HESX1: variants seen among roughly 807,000 people sequenced by gnomAD.
The protein encoded by HESX1 is HESX homeobox 1.
A neutral mutation model predicts 22.5 loss-of-function variants in HESX1; 11 were observed. The observed-to-expected ratio is 0.49, with a 90% CI of 0.31 to 0.81. The LOEUF (loss-of-function observed/expected upper bound fraction) is 0.81. Ranked by LOEUF, HESX1 falls within the 30% of genes least tolerant of loss-of-function variation. The pLI is 0.05. For missense variants in HESX1, 201 were observed against 212.6 expected (o/e 0.95, Z 0.34); for synonymous variants, 74 against 76.5 (o/e 0.97, Z 0.17).
At chr3:57,221,135 G>T (rs558980439) in intron 1 of HESX1, among the ~76,000 whole-genome samples, 19 of 150,858 alleles carry the variant, frequency 1.3e-4, no homozygotes, top group African/African-American at 4.6e-4. Context: ...AATTGCAGCT[G>T]CCCCGGCTCT....
In HESX1 at chr3:57,198,400, G is replaced by A. The variant is rs1385826685; in HGVS notation, c.450C>T (p.Asp150=). The change falls in exon 3 of 4, where the codon GAC becomes GAT. Residue 150 remains aspartate, a synonymous_variant. Coordinates refer to ENST00000295934, the MANE Select transcript of HESX1 (RefSeq NM_003865.3). The stretch of plus-strand genomic sequence containing the variant: ...TAAATTTGAAAATTACCTGGATTCT[G>A]TCTTCCTCTAGATTCAATTTTTGAG... The part of the protein sequence containing the change: ...DLAQKLNLEE[D]RIQIWFQNRR... 2 of 1,593,902 alleles carry A rather than the reference G, an allele frequency of 1.3e-6. No individual in the cohort carries two copies. The highest frequency in any genetic ancestry group is 1.7e-6 in the Non-Finnish European group (2 of 1,162,190).
At position 57,198,298 on chromosome 3, in the gene HESX1, A is replaced by G. The variant is rs112703580; in HGVS notation, c.460-3T>C. ...GCACGCCGATTTTGAAACCAAATCT[A>G]AAGTTAAGGAAAAATAAAATAGGTC... On this transcript the variant is annotated splice_polypyrimidine_tract_variant and splice_region_variant and intron_variant, in intron 3 of 3. Transcript: ENST00000295934. 64 of 1,606,464 alleles carry G rather than the reference A, an allele frequency of 4.0e-5. No individual in the cohort carries two copies. The African/African-American group carries it at 5.4e-4, about 13-fold the overall frequency.
At chr3:57,225,020 A>G (rs1425425961) in intron 1 of HESX1, among the ~76,000 whole-genome samples, 1 of 152,170 alleles carries the variant, frequency 6.6e-6, no homozygotes, top group Non-Finnish European at 1.5e-5. Context: ...GTAACCCCTA[A>G]GGCATTCTCT....
At position 57,225,563 on chromosome 3, in the gene HESX1, C is replaced by T. The variant is rs564092169; in HGVS notation, c.-111+733G>A. The stretch of plus-strand genomic sequence containing the variant: ...TTCACCAGTTGGCCAGGATGGTCTC[C>T]ATCTCTTGACCTCTTGATCCGCCTG... On this transcript the variant is annotated intron_variant, in intron 1 of 2. Transcript: ENST00000495160. Among the ~76,000 whole-genome samples, 31 of 152,130 alleles carry T rather than the reference C, an allele frequency of 2.0e-4. 1 individual carries two copies. The South Asian group carries it at 6.4e-3, about 32-fold the overall frequency.
intron 1 of HESX1, among the ~76,000 whole-genome samples, chr3:57,214,343 A>G (rs989532624): frequency 3.3e-5 from 5 of 152,220 alleles, no homozygotes; most frequent in African/African-American, 1.2e-4. Flanking sequence ...CAGTATGTAC[A>G]TACACAATTA....
chr3:57,207,379 T>G (rs1054733771), intron 1 of HESX1, among the ~76,000 whole-genome samples: 10 of 152,204 alleles, frequency 6.6e-5, no homozygotes, highest in Non-Finnish European at 7.3e-5. Context: ...GGCCCAGCTA[T>G]TAAAAGGTGG....
At chr3:57,198,721 T>TATAA in intron 2 of HESX1, 32 bp downstream of exon 2, 1 of 1,600,410 alleles carries the variant, frequency 6.2e-7, no homozygotes, top group Middle Eastern at 2.0e-4. Context: ...AAAGCCTTTA[T>TATAA]ATTATCATTA....
At chr3:57,198,346 C>G in intron 3 of HESX1, 45 bp downstream of exon 3, 1 of 1,551,826 alleles carries the variant, frequency 6.4e-7, no homozygotes, top group South Asian at 1.1e-5. Flanking sequence ...TTTTATTATT[C>G]TTAACATTTC....
intron 1 of HESX1, among the ~76,000 whole-genome samples, chr3:57,219,786 G>A (rs1203005828): frequency 6.6e-6 from 1 of 152,136 alleles, no homozygotes; most frequent in Non-Finnish European, 1.5e-5. Flanking sequence ...CCATTCTGTA[G>A]GTTGTCTGTT....
intron 1 of HESX1, among the ~76,000 whole-genome samples, chr3:57,220,710 CA>C (rs2060610971): frequency 1.3e-5 from 2 of 152,182 alleles, no homozygotes; most frequent in African/African-American, 4.8e-5. Flanking sequence ...GGATTACAGG[CA>C]TGAGCCACCA....
At chr3:57,205,846 T>C (rs1053843479) in intron 1 of HESX1, among the ~76,000 whole-genome samples, 2 of 152,214 alleles carry the variant, frequency 1.3e-5, no homozygotes, top group African/African-American at 4.8e-5. Context: ...GTTTATTGTC[T>C]GTTTCCTCTC....
At position 57,197,969 on chromosome 3, in the gene HESX1, A is replaced by C. The variant is rs1032134045; in HGVS notation, c.*228T>G. 15 of 361,394 alleles carry C rather than the reference A, an allele frequency of 4.2e-5. No individual in the cohort carries two copies. The highest frequency in any genetic ancestry group is 2.9e-4 in the African/African-American group (14 of 47,772). The allele number at this position is 361,394 out of a possible 1,614,324, so 22.4% of individuals were successfully genotyped here. ...TAATTTGGCTTACTTAAAAAATAGC[A>C]ATCTTTTCTGAAAATGTTTATTAAA... On this transcript the variant is annotated 3_prime_UTR_variant, in exon 4 of 4. Transcript: ENST00000295934.
chr3:57,226,386 C>T (rs2060644944), exon 1 of HESX1: 1 of 152,250 alleles, frequency 6.6e-6, no homozygotes, highest in Admixed American at 6.5e-5. Context: ...AACTGTAACA[C>T]AACTGGGAAC....
At chr3:57,218,439 CTTT>C (rs60734023) in intron 1 of HESX1, among the ~76,000 whole-genome samples, 2 of 102,260 alleles carry the variant, frequency 2.0e-5, no homozygotes, top group Admixed American at 1.2e-4. Context: ...TGATCTCATT[CTTT>C]TTTTTTTTTT....
intron 1 of HESX1, among the ~76,000 whole-genome samples, chr3:57,213,397 T>C (rs2060566726): frequency 6.6e-6 from 1 of 152,150 alleles, no homozygotes. Context: ...CCTGCCTGGA[T>C]TGACAGTGGG....
Position 57,207,394 on chromosome 3 carries a change from G to A in HESX1, c.-110-7366C>T, listed in dbSNP as rs74681381. Among the ~76,000 whole-genome samples, 194 of 152,294 alleles carry A rather than the reference G, an allele frequency of 1.3e-3. 5 individuals carry two copies. The East Asian group carries it at 0.024, about 19-fold the overall frequency. ...GGCCCAGCTATTAAAAGGTGGGGGT[G>A]ACCCCTCTGTGTTCCCATTTTCTCT... On this transcript the variant is annotated intron_variant, in intron 1 of 2. Coordinates refer to the HESX1 transcript ENST00000495160.
chr3:57,217,674 C>A (rs2060590099), intron 1 of HESX1, among the ~76,000 whole-genome samples: 1 of 152,174 alleles, frequency 6.6e-6, no homozygotes, highest in East Asian at 1.9e-4. Flanking sequence ...GACTCTGCCT[C>A]AGGCTTCCCT....
chr3:57,220,715 G>A (rs1162444728), intron 1 of HESX1, among the ~76,000 whole-genome samples: 1 of 152,128 alleles, frequency 6.6e-6, no homozygotes, highest in East Asian at 1.9e-4. Flanking sequence ...ACAGGCATGA[G>A]CCACCATGCC....
intron 1 of HESX1, among the ~76,000 whole-genome samples, chr3:57,208,388 G>A (rs111310828): frequency 0.012 from 1,772 of 152,136 alleles, 23 homozygotes; most frequent in African/African-American, 0.041. Context: ...GTCTCGCTCT[G>A]TTTCCCAGGC....
Sources: gnomAD v4.1 joint callset for allele counts (sites outside exome capture counted in the v4.1 genomes callset) on GRCh38, gnomAD v4.1.1 for gene constraint, MANE v1.5 for transcripts, NCBI Gene and HGNC (gene_info 2026-07-23, HGNC 2026-07-21) for gene names.